SGPL1: variants seen among roughly 807,000 people sequenced by gnomAD.
SGPL1 encodes sphingosine-1-phosphate lyase 1.
A neutral mutation model predicts 68.9 loss-of-function variants in SGPL1; 37 were observed. That is an observed-to-expected ratio of 0.54 (90% CI 0.41 to 0.71). The LOEUF (loss-of-function observed/expected upper bound fraction) is 0.71. Ranked by LOEUF, SGPL1 falls within the 30% of genes least tolerant of loss-of-function variation. The pLI, the probability that SGPL1 is intolerant of heterozygous loss-of-function variation, is 0.00. For synonymous variants in SGPL1, 236 were observed against 248.5 expected (o/e 0.95, Z 0.47); for missense variants, 551 against 704.6 (o/e 0.78, Z 2.47).
intron 7 of SGPL1, among the ~76,000 whole-genome samples, chr10:70,862,291 G>A (rs1310841624): frequency 6.6e-6 from 1 of 152,198 alleles, no homozygotes; most frequent in East Asian, 1.9e-4. Context: ...TCGCTGCTCT[G>A]GTGGGGGCTT....
At chr10:70,855,956 A>G (rs2131905723) in intron 5 of SGPL1, among the ~76,000 whole-genome samples, 1 of 4,028 alleles carries the variant, frequency 2.5e-4, no homozygotes, top group East Asian at 0.1. Flanking sequence ...TTTCTATTCT[A>G]GGAGCCAACC....
At chr10:70,828,970 T>A (rs1845486162) in intron 2 of SGPL1, among the ~76,000 whole-genome samples, 1 of 152,156 alleles carries the variant, frequency 6.6e-6, no homozygotes, top group Admixed American at 6.6e-5. Context: ...AGAAGTGTCC[T>A]GAAGGGCGCT....
At chr10:70,865,830 C>T (rs1846176418) in intron 7 of SGPL1, among the ~76,000 whole-genome samples, 1 of 152,194 alleles carries the variant, frequency 6.6e-6, no homozygotes, top group Non-Finnish European at 1.5e-5. Context: ...TTGGCTTGTG[C>T]TAATGTTATC....
At chr10:70,859,548 T>A (rs747645667) in intron 7 of SGPL1, 49 bp downstream of exon 7, 1 of 1,151,870 alleles carries the variant, frequency 8.7e-7, no homozygotes, top group Admixed American at 3.2e-5. Context: ...TAGGTTAAAA[T>A]AGAAGAGTTT....
chr10:70,848,850 C>T (rs926498932), intron 3 of SGPL1, among the ~76,000 whole-genome samples: 12 of 152,112 alleles, frequency 7.9e-5, no homozygotes, highest in African/African-American at 2.7e-4. Context: ...TACTATGTCA[C>T]CATGATCTCT....
At chr10:70,844,321 G>A in intron 2 of SGPL1, 152 bp from the exon 3 acceptor site, 1 of 625,676 alleles carries the variant, frequency 1.6e-6, no homozygotes, top group South Asian at 2.0e-5. Flanking sequence ...CAGAAGCCTT[G>A]AGGGCTGTAG....
chr10:70,863,230 G>C (rs990769762), intron 7 of SGPL1, among the ~76,000 whole-genome samples: 1 of 150,322 alleles, frequency 6.7e-6, no homozygotes, highest in African/African-American at 2.4e-5. Context: ...GAAGTGATCT[G>C]CCTGCCTTGG....
intron 5 of SGPL1, among the ~76,000 whole-genome samples, chr10:70,856,716 G>C (rs1845969877): frequency 6.6e-6 from 1 of 152,212 alleles, no homozygotes; most frequent in African/African-American, 2.4e-5. Context: ...CTCAAGAGCT[G>C]AAGATCTTTG....
chr10:70,850,245 G>A (rs1354692243), intron 3 of SGPL1, among the ~76,000 whole-genome samples: 1 of 152,076 alleles, frequency 6.6e-6, no homozygotes, highest in East Asian at 1.9e-4. Flanking sequence ...ACCCTCCTGT[G>A]CTCAAGCAGT....
chr10:70,859,500 G>T lies in SGPL1; in HGVS notation c.615+1G>T. On this transcript the variant is annotated splice_donor_variant, in intron 7 of 14. Coordinates refer to ENST00000373202, the MANE Select transcript of SGPL1 (RefSeq NM_003901.4). LOFTEE classifies it high-confidence loss of function. ...TGGGGGACCAGATTCGTGTGGATGT[G>T]TAAGTATATGCAAGGGGCATCCAAT... The T allele has an allele frequency of 6.6e-7, 1 of 1,506,076 alleles. No individual in the cohort carries two copies. The highest frequency in any genetic ancestry group is 8.9e-7 in the Non-Finnish European group (1 of 1,122,692). 93.3% of individuals were successfully genotyped at this position (1,506,076 alleles called of 1,614,324 possible). A position where few individuals can be genotyped will look rare whatever the true frequency, so the allele number is the denominator to read the frequency against.
At chr10:70,875,736 A>G (rs1045391974) in intron 13 of SGPL1, among the ~76,000 whole-genome samples, 188 bp downstream of exon 13, 7 of 152,206 alleles carry the variant, frequency 4.6e-5, no homozygotes, top group African/African-American at 1.7e-4. Context: ...CATTAGCTTT[A>G]AACTCTGGCA....
rs66516855 is a variant in SGPL1 at position 70,880,521 on chromosome 10, C to G, written c.*3186C>G. The G allele has an allele frequency of 0.06, 9,129 of 152,252 alleles. 404 individuals are homozygous for G. The highest frequency in any genetic ancestry group is 0.13 in the African/African-American group (5,209 of 41,514). 9.4% of individuals were successfully genotyped at this position (152,252 alleles called of 1,614,324 possible). A position where few individuals can be genotyped will look rare whatever the true frequency, so the allele number is the denominator to read the frequency against. ...AGCCATCTGGGCAGTGTGGTTCTGTCTAACCAAAGGGCATTGGCCTCAAAC... is the reference window on the plus strand; with the variant it reads ...AGCCATCTGGGCAGTGTGGTTCTGTGTAACCAAAGGGCATTGGCCTCAAAC... On this transcript the variant is annotated 3_prime_UTR_variant, in exon 15 of 15. Transcript: ENST00000373202.
intron 2 of SGPL1, among the ~76,000 whole-genome samples, chr10:70,836,413 T>C (rs558930034): frequency 2.6e-4 from 39 of 152,326 alleles, no homozygotes; most frequent in Middle Eastern, 6.8e-3. Flanking sequence ...CCTCTTTCTA[T>C]CAGTTTGACT....
chr10:70,851,452 CA>C (rs1412927157), intron 4 of SGPL1, among the ~76,000 whole-genome samples: 1 of 151,860 alleles, frequency 6.6e-6, no homozygotes, highest in African/African-American at 2.4e-5. Context: ...GTGTACAGGG[CA>C]GCCCCCCCCC....
intron 2 of SGPL1, among the ~76,000 whole-genome samples, chr10:70,827,541 A>G (rs1707676323): frequency 6.6e-6 from 1 of 152,200 alleles, no homozygotes; most frequent in Non-Finnish European, 1.5e-5. Flanking sequence ...TGTATGATAA[A>G]TGAATGAGTT....
In SGPL1 at chr10:70,877,205, A is replaced by T; in HGVS notation, c.1577A>T (p.Tyr526Phe). Residue 526 changes from tyrosine (Y) to phenylalanine (F), a missense_variant, in exon 15 of 15, where the codon TAT becomes TTT. Transcript: ENST00000373202. ...TCTTTGGATTTGTAGGGTGCCATCT[A>T]TGGCATGGCCCAGACAACTGTTGAC... ...KAKTTGMGAI[Y>F]GMAQTTVDRN... is the part of the protein sequence containing the mutation. The T allele has an allele frequency of 6.2e-7, 1 of 1,614,206 alleles. No homozygotes were observed. Among genetic ancestry groups the T allele is most frequent in the South Asian group, 1.1e-5 (1 of 91,084 alleles).
chr10:70,854,389 G>A (rs1845930053), intron 4 of SGPL1, among the ~76,000 whole-genome samples: 1 of 152,086 alleles, frequency 6.6e-6, no homozygotes, highest in Admixed American at 6.6e-5. Context: ...TGGCCAGGCT[G>A]GTCTCGAACT....
intron 2 of SGPL1, among the ~76,000 whole-genome samples, chr10:70,840,271 A>G (rs1021331565): frequency 2.0e-5 from 3 of 152,044 alleles, no homozygotes; most frequent in Non-Finnish European, 4.4e-5. Flanking sequence ...GAGCGTAGTC[A>G]TGTCATTTCA....
At chr10:70,863,926 A>C (rs761859450) in intron 7 of SGPL1, among the ~76,000 whole-genome samples, 21 of 152,098 alleles carry the variant, frequency 1.4e-4, no homozygotes, top group Non-Finnish European at 2.9e-4. Flanking sequence ...CTCATCTGTC[A>C]GTGTAGGAGT....
Sources: gnomAD v4.1 joint callset for allele counts (sites outside exome capture counted in the v4.1 genomes callset) on GRCh38, gnomAD v4.1.1 for gene constraint, MANE v1.5 for transcripts, NCBI Gene and HGNC (gene_info 2026-07-23, HGNC 2026-07-21) for gene names.